Variants in ZNF322 observed in about 807,000 individuals in gnomAD.
ZNF322 encodes zinc finger protein 322, also known as HLA complex group 12.
A neutral mutation model predicts 18.3 loss-of-function variants in ZNF322; 1 was observed. The ratio of observed to expected loss-of-function variants is 0.05; its 90% CI spans 0.02 to 0.26. ZNF322 has a LOEUF of 0.26. Among genes scored for constraint, ZNF322 ranks in the 10% least tolerant of loss-of-function variants. ZNF322 has a pLI of 1.00. For synonymous variants in ZNF322, 17 were observed against 130.7 expected (o/e 0.13, Z 5.93); for missense variants, 36 against 403.6 (o/e 0.09, Z 7.80).
chr6:26,639,132 A>C (rs2451745), intron 3 of ZNF322, among the ~76,000 whole-genome samples: 151,390 of 152,304 alleles, frequency 0.99, 75,245 homozygotes, highest in East Asian at 1. Context: ...TTAGAATTCC[A>C]AGTGACCAGA....
intron 3 of ZNF322, among the ~76,000 whole-genome samples, chr6:26,639,967 C>T (rs143354130): frequency 2.0e-4 from 31 of 152,268 alleles, no homozygotes; most frequent in African/African-American, 7.5e-4. Context: ...CTAAGGATAG[C>T]CTTTCCATCT....
intron 2 of ZNF322, among the ~76,000 whole-genome samples, chr6:26,647,871 A>G (rs1472708111): frequency 7.2e-6 from 1 of 139,828 alleles, no homozygotes; most frequent in Non-Finnish European, 1.6e-5. Flanking sequence ...TTAATATCCA[A>G]TATCGCTTTT....
chr6:26,654,613 G>T (rs1459837672), intron 2 of ZNF322, among the ~76,000 whole-genome samples: 1 of 151,740 alleles, frequency 6.6e-6, no homozygotes, highest in East Asian at 1.9e-4. Context: ...TAATAAATTA[G>T]TCACACAATA....
chr6:26,636,889 C>CT lies in ZNF322; in HGVS notation c.*455dup. Reference sequence around the variant, plus strand: ...AGTTTTGTTAGAAGCTTTTTTCACACTTGCTGGGGCTTCTCCCCAGGGTGG... The same window carrying CT: ...AGTTTTGTTAGAAGCTTTTTTCACACTTTGCTGGGGCTTCTCCCCAGGGTGG... On this transcript the variant is annotated 3_prime_UTR_variant, in exon 4 of 4. Transcript: ENST00000415922. The CT allele has an allele frequency of 9.3e-6, 1 of 107,662 alleles. No homozygotes were observed. Among genetic ancestry groups the CT allele is most frequent in the South Asian group, 2.5e-4 (1 of 3,928 alleles). 6.7% of individuals were successfully genotyped at this position (107,662 alleles called of 1,614,324 possible).
chr6:26,651,274 C>A (rs1765664357), intron 2 of ZNF322: 2 of 148,858 alleles, frequency 1.3e-5, no homozygotes, highest in Admixed American at 1.3e-4. Context: ...GAATAAAATT[C>A]TCTCATTTGC....
chr6:26,647,877 CTTTT>C (rs34835436), intron 2 of ZNF322, among the ~76,000 whole-genome samples: 11 of 142,706 alleles, frequency 7.7e-5, no homozygotes, highest in Admixed American at 2.1e-4. Flanking sequence ...TCCAATATCG[CTTTT>C]TTTTTTTTTT....
At chr6:26,648,011 TG>T (rs1554148857) in intron 2 of ZNF322, among the ~76,000 whole-genome samples, 1 of 152,016 alleles carries the variant, frequency 6.6e-6, no homozygotes, top group East Asian at 1.9e-4. Context: ...CCTGAATAGC[TG>T]GGGTATAGGT....
intron 2 of ZNF322, among the ~76,000 whole-genome samples, chr6:26,645,797 C>T (rs993745782): frequency 3.3e-5 from 5 of 151,804 alleles, no homozygotes; most frequent in African/African-American, 4.8e-5. Context: ...TTTGGGAGAC[C>T]GAGGCAGGCG....
chr6:26,645,209 C>A (rs1415985925), intron 2 of ZNF322, among the ~76,000 whole-genome samples: 2 of 152,030 alleles, frequency 1.3e-5, no homozygotes, highest in Non-Finnish European at 1.5e-5. Flanking sequence ...ACAGTGGCTA[C>A]AGAAATCCAA....
Position 26,649,164 on chromosome 6 carries a change from C to A in ZNF322, c.-245-5436G>T, listed in dbSNP as rs567909487. ...TTCACTTTGAAAAGACCAACAAGGA[C>A]AGCCATGAAGCAATGAAAAGACAGA... On this transcript the variant is annotated intron_variant, in intron 2 of 3. Transcript: ENST00000415922. 5.3e-5 allele frequency among the ~76,000 whole-genome samples: 8 copies of A among 152,254 alleles called. No individual in the cohort carries two copies. In the East Asian group the frequency reaches 1.2e-3, roughly 22 times the overall value.
At chr6:26,639,381 C>G (rs1397420307) in intron 3 of ZNF322, among the ~76,000 whole-genome samples, 2 of 152,110 alleles carry the variant, frequency 1.3e-5, no homozygotes, top group Admixed American at 6.6e-5. Context: ...ATTATATAAG[C>G]ACATAACTTG....
At chr6:26,652,353 A>G (rs1554149283) in intron 2 of ZNF322, among the ~76,000 whole-genome samples, 1 of 152,170 alleles carries the variant, frequency 6.6e-6, no homozygotes, top group South Asian at 2.1e-4. Flanking sequence ...AAATATACAT[A>G]TACCCTTAAA....
rs1561924932 is a variant in ZNF322 at position 26,649,692 on chromosome 6, TATA to T, written c.-245-5967_-245-5965del. On this transcript the variant is annotated intron_variant, in intron 2 of 3. Transcript: ENST00000415922. ...GTGTGTGTGTATATATATATATATA[TATA>T]TATATATTTTTTTTTTTTTTTTTTT... Among the ~76,000 whole-genome samples, 187 of 80,940 alleles carry T rather than the reference TATA, an allele frequency of 2.3e-3. 14 individuals are homozygous for T. Among genetic ancestry groups the T allele is most frequent in the Non-Finnish European group, 3.2e-3 (126 of 39,156 alleles). The allele number at this position is 80,940 out of a possible 152,430, so 53.1% of individuals were successfully genotyped here. A position where few individuals can be genotyped will look rare whatever the true frequency, so the allele number is the denominator to read the frequency against.
At chr6:26,642,107 T>A (rs1765476998) in intron 3 of ZNF322, among the ~76,000 whole-genome samples, 2 of 152,234 alleles carry the variant, frequency 1.3e-5, no homozygotes, top group Non-Finnish European at 2.9e-5. Flanking sequence ...ATACTGCTCT[T>A]CACTGCACTG....
chr6:26,641,692 T>A (rs1479494823), intron 3 of ZNF322, among the ~76,000 whole-genome samples: 8 of 152,202 alleles, frequency 5.3e-5, no homozygotes, highest in African/African-American at 1.9e-4. Context: ...GTGCAGGATG[T>A]GCCTTGGTAA....
intron 2 of ZNF322, among the ~76,000 whole-genome samples, chr6:26,649,675 G>GTGTGTATATATA (rs1465971500): frequency 7.8e-4 from 18 of 22,944 alleles, no homozygotes; most frequent in Admixed American, 1.3e-3. Context: ...GTGTGTGTGT[G>GTGTGTATATATA]TATATATATA....
At chr6:26,639,464 T>C (rs1765428665) in intron 3 of ZNF322, among the ~76,000 whole-genome samples, 1 of 152,204 alleles carries the variant, frequency 6.6e-6, no homozygotes, top group Non-Finnish European at 1.5e-5. Flanking sequence ...AACAGGCTTT[T>C]CTTTACATGG....
intron 2 of ZNF322, among the ~76,000 whole-genome samples, chr6:26,649,659 G>C (rs1561924661): frequency 6.8e-5 from 3 of 43,974 alleles, no homozygotes; most frequent in Non-Finnish European, 1.4e-4. Context: ...GTGTGTGTGT[G>C]TGTGTGTGTG....
At chr6:26,645,801 G>A (rs1459610348) in intron 2 of ZNF322, among the ~76,000 whole-genome samples, 2 of 152,196 alleles carry the variant, frequency 1.3e-5, no homozygotes, top group East Asian at 3.9e-4. Context: ...GGAGACCGAG[G>A]CAGGCGGATC....
Sources: gnomAD v4.1 joint callset for allele counts (sites outside exome capture counted in the v4.1 genomes callset) on GRCh38, gnomAD v4.1.1 for gene constraint, MANE v1.5 for transcripts, NCBI Gene and HGNC (gene_info 2026-07-23, HGNC 2026-07-21) for gene names.